Variants in KNL1 observed in about 807,000 individuals in gnomAD.
KNL1 encodes kinetochore scaffold 1.
In KNL1, 66 loss-of-function variants were observed where a neutral mutation model predicts 201.3. The observed-to-expected ratio is 0.33, with a 90% CI of 0.27 to 0.40. The LOEUF is 0.40. KNL1 is among the 10% of genes least tolerant of loss of function. The probability of loss-of-function intolerance (pLI) is 1.00; values close to 1 mark genes in which losing one functional copy is unlikely to be tolerated. For missense variants in KNL1, 2,815 were observed against 2,690.5 expected (o/e 1.05, Z -1.02); for synonymous variants, 895 against 899.2 (o/e 1.00, Z 0.08).
At chr15:40,661,297 C>T (rs1443461940) in intron 25 of KNL1, among the ~76,000 whole-genome samples, 2 of 151,950 alleles carry the variant, frequency 1.3e-5, no homozygotes, top group Admixed American at 1.3e-4. Flanking sequence ...TCAAGACCAT[C>T]CTGGCCAACA....
rs1892630312 is a variant in KNL1, at chr15:40,623,687, C to A, written c.3423C>A (p.Leu1141=). 6.2e-7 allele frequency: 1 copy of A among 1,613,924 alleles called. No homozygotes were observed. The change falls in exon 10 of 26, where the codon CTC becomes CTA. Residue 1141 remains leucine, a synonymous_variant. Transcript: ENST00000399668. ...SHTTALECKT[L]LPNEIAIRPM... Reference sequence around the variant, plus strand: ...CAACTGCCTTAGAATGTAAAACTCTCCTGCCAAATGAAATAGCTATTAGGC... The same window carrying A: ...CAACTGCCTTAGAATGTAAAACTCTACTGCCAAATGAAATAGCTATTAGGC...
rs1038276473 is a variant in KNL1, at chr15:40,612,617, A to G, written c.284+1106A>G. Among the ~76,000 whole-genome samples, 26 of 151,924 alleles carry G rather than the reference A, an allele frequency of 1.7e-4. 2 individuals carry two copies. The East Asian group carries it at 2.2e-3, about 13-fold the overall frequency. On this transcript the variant is annotated intron_variant, in intron 7 of 25. Transcript: ENST00000399668. ...CTGCAACCTCCGCCTCCTGGGTTCA[A>G]GTGATTCTCCTGCTTCAGCCTCCCG... is the stretch of plus-strand genomic sequence containing the variant.
At position 40,610,304 on chromosome 15, in the gene KNL1, A is replaced by G; in HGVS notation, c.250+7A>G. 1.4e-6 allele frequency: 2 copies of G among 1,424,778 alleles called. No individual in the cohort carries two copies. The highest frequency in any genetic ancestry group is 1.2e-5 in the South Asian group (1 of 86,384). 88.3% of individuals were successfully genotyped at this position (1,424,778 alleles called of 1,614,324 possible). A position where few individuals can be genotyped will look rare whatever the true frequency, so the allele number is the denominator to read the frequency against. On this transcript the variant is annotated splice_region_variant and intron_variant, in intron 6 of 25. Transcript: ENST00000399668. ...AGAAAGTCAGAAATGGAAGGTAAGT[A>G]TGTTACTATAATTCCTGCTAAATCT...
At chr15:40,654,574 A>T (rs571824062) in intron 21 of KNL1, among the ~76,000 whole-genome samples, 94 of 50,368 alleles carry the variant, frequency 1.9e-3, no homozygotes, top group African/African-American at 6.9e-3. Context: ...CAGGTAGTTT[A>T]AAAAAAAAAA....
At chr15:40,633,226 G>A (rs960458975) in intron 13 of KNL1, among the ~76,000 whole-genome samples, 3 of 149,634 alleles carry the variant, frequency 2.0e-5, no homozygotes, top group African/African-American at 7.4e-5. Flanking sequence ...CTACTGAATC[G>A]CTTGAACCCA....
chr15:40,622,231 C>T lies in KNL1; in HGVS notation c.1967C>T (p.Ser656Phe), dbSNP rs774038632. The T allele has an allele frequency of 3.1e-6, 5 of 1,613,932 alleles. No individual in the cohort carries two copies. The African/African-American group carries it at 6.7e-5, about 22-fold the overall frequency. Residue 656 changes from serine (S) to phenylalanine (F), a missense_variant, in exon 10 of 26, where the codon TCT becomes TTT. Ser to Phe is a radical substitution (Grantham distance 155). Transcript: ENST00000399668. ...LKILPYLDKDSPQSADCNQEI... is the reference protein window; with the variant it reads ...LKILPYLDKDFPQSADCNQEI... The stretch of plus-strand genomic sequence containing the variant: ...ATTTTGCCCTACCTTGATAAAGATT[C>T]TCCTCAGTCAGCTGATTGTAATCAG...
intron 21 of KNL1, among the ~76,000 whole-genome samples, chr15:40,654,639 G>A (rs1416103219): frequency 1.3e-5 from 2 of 151,766 alleles, no homozygotes; most frequent in Non-Finnish European, 2.9e-5. Flanking sequence ...GGAAGCTGAG[G>A]TAGGCGGATC....
chr15:40,599,231 T>C (rs981285049), intron 1 of KNL1, among the ~76,000 whole-genome samples: 4 of 147,896 alleles, frequency 2.7e-5, no homozygotes, highest in African/African-American at 1.0e-4. Context: ...TTGGGAGGCA[T>C]GAACCCGGGA....
rs1487898635 is a variant in KNL1 at position 40,605,139 on chromosome 15, G to A, written c.65G>A (p.Arg22Gln). The change falls in exon 3 of 26, where the codon CGG (arginine) becomes CAG (glutamine). Residue 22 changes from arginine to glutamine, a missense_variant. Coordinates refer to ENST00000399668, the MANE Select transcript of KNL1 (RefSeq NM_144508.5). ...NDNIERPVRR[R>Q]HSSILKPPRS... ...AATATAGAGAGACCTGTTAGAAGAC[G>A]GCATTCTTCAGTAAGAAAGACTTTC... 11 of 1,469,266 alleles carry A rather than the reference G, an allele frequency of 7.5e-6. No homozygotes were observed. The highest frequency in any genetic ancestry group is 1.7e-4 in the Middle Eastern group (1 of 5,756). 91.0% of individuals were successfully genotyped at this position (1,469,266 alleles called of 1,614,324 possible).
At chr15:40,637,038 G>A (rs776272674) in intron 13 of KNL1, among the ~76,000 whole-genome samples, 14 of 150,094 alleles carry the variant, frequency 9.3e-5, no homozygotes, top group Admixed American at 2.6e-4. Context: ...TTCCCTGATC[G>A]TCTTATGCCT....
At chr15:40,643,735 C>T (rs1230815278) in intron 14 of KNL1, among the ~76,000 whole-genome samples, 1 of 152,354 alleles carries the variant, frequency 6.6e-6, no homozygotes, top group Admixed American at 6.5e-5. Flanking sequence ...AAATGTTTCA[C>T]ATTGGAACAA....
At chr15:40,608,689 G>C (rs1056770419) in intron 4 of KNL1, among the ~76,000 whole-genome samples, 158 bp from the exon 5 acceptor site, 2 of 149,684 alleles carry the variant, frequency 1.3e-5, no homozygotes, top group Non-Finnish European at 3.0e-5. Context: ...AGGCTGTGGT[G>C]AGCCAAGATC....
Position 40,621,892 on chromosome 15 carries a change from C to T in KNL1, c.1628C>T (p.Ser543Phe), listed in dbSNP as rs1031175849. The change falls in exon 10 of 26, where the codon TCT becomes TTT. Residue 543 changes from serine (S) to phenylalanine (F), a missense_variant. This residue lies in a region of KNL1 where 2,464 missense variants were observed against 2,291.7 expected (regional missense o/e 1.08). Transcript: ENST00000399668. Reference protein sequence around the residue: ...NVNCNSVPHVSKERIQQSLSN... With the variant: ...NVNCNSVPHVFKERIQQSLSN... ...AATTGTAACTCAGTTCCTCATGTAT[C>T]TAAGGAAAGAATACAGCAGAGCCTG... The T allele has an allele frequency of 6.2e-7, 1 of 1,613,768 alleles. No homozygotes were observed. The highest frequency in any genetic ancestry group is 1.1e-5 in the South Asian group (1 of 91,072).
chr15:40,604,931 G>A (rs1891926259), intron 2 of KNL1, among the ~76,000 whole-genome samples, 179 bp from the exon 3 acceptor site: 1 of 152,160 alleles, frequency 6.6e-6, no homozygotes, highest in African/African-American at 2.4e-5. Context: ...TACACAATAT[G>A]TATTTTAAAA....
In KNL1 at chr15:40,605,138, C is replaced by T. The variant is rs376181535; in HGVS notation, c.64C>T (p.Arg22Trp). ...CAATATAGAGAGACCTGTTAGAAGA[C>T]GGCATTCTTCAGTAAGAAAGACTTT... ...NDNIERPVRR[R>W]HSSILKPPRS... is the part of the protein sequence containing the mutation. Residue 22 changes from arginine to tryptophan, a missense_variant, in exon 3 of 26, where the codon CGG (arginine) becomes TGG (tryptophan). Transcript: ENST00000399668. 173 of 1,469,694 alleles carry T rather than the reference C, an allele frequency of 1.2e-4. 1 individual carries two copies. The highest frequency in any genetic ancestry group is 2.0e-4 in the South Asian group (18 of 87,870). 91.0% of individuals were successfully genotyped at this position (1,469,694 alleles called of 1,614,324 possible). A position where few individuals can be genotyped will look rare whatever the true frequency, so the allele number is the denominator to read the frequency against.
intron 17 of KNL1, among the ~76,000 whole-genome samples, chr15:40,649,307 C>T (rs939615872): frequency 4.6e-5 from 7 of 151,444 alleles, no homozygotes; most frequent in African/African-American, 1.7e-4. Context: ...AGTTCTGCCA[C>T]TTTTTTGAGA....
intron 21 of KNL1, among the ~76,000 whole-genome samples, chr15:40,654,013 C>T (rs920103707): frequency 3.9e-5 from 6 of 152,154 alleles, no homozygotes; most frequent in Admixed American, 2.0e-4. Flanking sequence ...GTAGTTCTTG[C>T]TGTGTTTATT....
intron 1 of KNL1, among the ~76,000 whole-genome samples, chr15:40,599,240 G>C (rs541159607): frequency 4.7e-4 from 70 of 150,440 alleles, no homozygotes; most frequent in African/African-American, 1.7e-3. Context: ...ATGAACCCGG[G>C]AGGCAGAGGT....
In KNL1 at chr15:40,605,837, A is replaced by G. The variant is rs559691790; in HGVS notation, c.76-556A>G. 3.9e-4 allele frequency among the ~76,000 whole-genome samples: 59 copies of G among 152,314 alleles called. 2 individuals are homozygous for G. In the South Asian group the frequency reaches 0.012, roughly 31 times the overall value. ...CTTTAGGCACACTTACTGACCAGAG[A>G]TTCTAACCATGACACCAGTACTAGG... On this transcript the variant is annotated intron_variant, in intron 3 of 25. Coordinates refer to ENST00000399668, the MANE Select transcript of KNL1 (RefSeq NM_144508.5).
Sources: gnomAD v4.1 joint callset for allele counts (sites outside exome capture counted in the v4.1 genomes callset) on GRCh38, gnomAD v4.1.1 for gene constraint, gnomAD v4.1.1 regional missense constraint, MANE v1.5 for transcripts, NCBI Gene and HGNC (gene_info 2026-07-23, HGNC 2026-07-21) for gene names.